Variants in GPAT3 observed in about 807,000 individuals in gnomAD.
The protein encoded by GPAT3 is 1-AGP acyltransferase 9.
A neutral mutation model predicts 58.8 loss-of-function variants in GPAT3; 53 were observed. The observed-to-expected ratio is 0.90, with a 90% confidence interval of 0.72 to 1.13. The LOEUF is 1.13. GPAT3 is among the 50% of genes most tolerant of loss of function. The pLI is 0.00. For missense variants in GPAT3, 511 were observed against 527.6 expected (o/e 0.97, Z 0.31); for synonymous variants, 197 against 187.4 (o/e 1.05, Z -0.42).
chr4:83,594,716 C>A, intron 6 of GPAT3, 129 bp from the exon 7 acceptor site: 1 of 723,800 alleles, frequency 1.4e-6, no homozygotes, highest in Non-Finnish European at 2.4e-6. Context: ...TTTGATCAGA[C>A]TAAGAACTTC....
intron 2 of GPAT3, 21 bp downstream of exon 2, chr4:83,544,623 T>C (rs765776391): frequency 9.9e-6 from 16 of 1,611,734 alleles, no homozygotes; most frequent in East Asian, 2.2e-5. Context: ...CTTTTCATTA[T>C]GATTGTTACC....
chr4:83,539,339 C>T (rs892404435), intron 1 of GPAT3, among the ~76,000 whole-genome samples: 1 of 152,096 alleles, frequency 6.6e-6, no homozygotes, highest in Non-Finnish European at 1.5e-5. Flanking sequence ...CATTTCATTC[C>T]CAAGAATATT....
rs534715947 is a variant in GPAT3 at position 83,570,052 on chromosome 4, GTGT to G, written c.209-11506_209-11504del. Among the ~76,000 whole-genome samples, 133 of 152,304 alleles carry G rather than the reference GTGT, an allele frequency of 8.7e-4. 1 individual carries two copies. The highest frequency in any genetic ancestry group is 5.9e-3 in the Admixed American group (91 of 15,302). On this transcript the variant is annotated intron_variant, in intron 2 of 11. Coordinates refer to ENST00000264409, the MANE Select transcript of GPAT3 (RefSeq NM_032717.5). ...GTTTAGCAAGGAAGAACTGGGGGTG[GTGT>G]TGTATTGACGAGAAATATCTTACAT...
intron 7 of GPAT3, among the ~76,000 whole-genome samples, chr4:83,595,569 T>C (rs1404405031): frequency 6.6e-6 from 1 of 151,880 alleles, no homozygotes; most frequent in Non-Finnish European, 1.5e-5. Context: ...AAAAAATAAA[T>C]AAAATTAGCC....
At chr4:83,572,071 C>T (rs771391488) in intron 2 of GPAT3, among the ~76,000 whole-genome samples, 1 of 152,152 alleles carries the variant, frequency 6.6e-6, no homozygotes, top group East Asian at 1.9e-4. Context: ...CTGCGCTTGG[C>T]TTCATATATA....
In GPAT3 at chr4:83,581,748, T is replaced by G; in HGVS notation, c.395T>G (p.Val132Gly). The G allele has an allele frequency of 6.2e-7, 1 of 1,614,208 alleles. No individual in the cohort carries two copies. The highest frequency in any genetic ancestry group is 1.1e-5 in the South Asian group (1 of 91,076). Residue 132 changes from valine to glycine, a missense_variant, in exon 3 of 12, where the codon GTA becomes GGA. Transcript: ENST00000264409. ...VSWNLLTRTN[V>G]NFQYISLRLT... ...TGGAATCTCCTCACAAGAACCAATG[T>G]AAATTTCCAGTACATCAGTCTGCGG...
rs1725170750 is a variant in GPAT3, at chr4:83,562,199, AATATATATATATT to A, written c.208+17610_208+17622del. 8.3e-5 allele frequency among the ~76,000 whole-genome samples: 3 copies of A among 36,046 alleles called. 1 individual carries two copies. In the South Asian group the frequency reaches 3.2e-3, roughly 38 times the overall value. 23.6% of individuals were successfully genotyped at this position (36,046 alleles called of 152,430 possible). The stretch of plus-strand genomic sequence containing the variant: ...ATATATTATATATATATATATATAT[AATATATATATATT>A]ATATATATATATAATATATATATAA... On this transcript the variant is annotated intron_variant, in intron 2 of 11. Coordinates refer to ENST00000264409, the MANE Select transcript of GPAT3 (RefSeq NM_032717.5).
At chr4:83,549,891 T>A (rs1349693087) in intron 2 of GPAT3, among the ~76,000 whole-genome samples, 2 of 151,762 alleles carry the variant, frequency 1.3e-5, no homozygotes, top group African/African-American at 4.8e-5. Flanking sequence ...CCTGGCTAAT[T>A]TTTGTATTTT....
At chr4:83,552,872 G>A (rs888949429) in intron 2 of GPAT3, among the ~76,000 whole-genome samples, 2 of 152,136 alleles carry the variant, frequency 1.3e-5, no homozygotes, top group African/African-American at 4.8e-5. Context: ...TAATGAGTGG[G>A]ATTAGTGCCC....
At chr4:83,603,390 T>C (rs1329739727) in intron 11 of GPAT3, among the ~76,000 whole-genome samples, 3 of 152,248 alleles carry the variant, frequency 2.0e-5, no homozygotes, top group South Asian at 2.1e-4. Context: ...GCTGCTTACA[T>C]AGGCACTTCT....
At chr4:83,585,372 T>C (rs754760731) in intron 3 of GPAT3, among the ~76,000 whole-genome samples, 104 of 150,188 alleles carry the variant, frequency 6.9e-4, no homozygotes, top group Non-Finnish European at 1.2e-3. Context: ...TATATATTAA[T>C]GTATTACTTT....
intron 2 of GPAT3, among the ~76,000 whole-genome samples, chr4:83,555,263 G>C (rs924127080): frequency 6.6e-6 from 1 of 152,174 alleles, no homozygotes. Flanking sequence ...ATGACTGGTG[G>C]CTGGGAGCTC....
At chr4:83,539,674 C>T (rs1488001301) in intron 1 of GPAT3, among the ~76,000 whole-genome samples, 3 of 152,154 alleles carry the variant, frequency 2.0e-5, no homozygotes, top group Non-Finnish European at 2.9e-5. Flanking sequence ...TGCTGGGTAT[C>T]TCTAGATGTA....
chr4:83,578,873 C>CTTCA (rs1383689939), intron 2 of GPAT3, among the ~76,000 whole-genome samples: 1 of 151,284 alleles, frequency 6.6e-6, no homozygotes, highest in Admixed American at 6.6e-5. Context: ...TCCTTCCTTC[C>CTTCA]TTCCCTCCCT....
chr4:83,539,151 C>T (rs571183551), intron 1 of GPAT3, among the ~76,000 whole-genome samples: 30 of 152,218 alleles, frequency 2.0e-4, no homozygotes, highest in African/African-American at 6.3e-4. Flanking sequence ...GGGGTTAATA[C>T]GGTGGATTGC....
chr4:83,568,288 C>T (rs1490107799), intron 2 of GPAT3, among the ~76,000 whole-genome samples: 1 of 152,010 alleles, frequency 6.6e-6, no homozygotes, highest in Non-Finnish European at 1.5e-5. Context: ...ATTGAGTCAT[C>T]ATGATTGAGT....
At chr4:83,576,517 C>T (rs1343863532) in intron 2 of GPAT3, among the ~76,000 whole-genome samples, 1 of 151,854 alleles carries the variant, frequency 6.6e-6, no homozygotes, top group Non-Finnish European at 1.5e-5. Flanking sequence ...GATCTTGGCT[C>T]ATTGTAACCT....
At chr4:83,554,701 A>G (rs1399014181) in intron 2 of GPAT3, among the ~76,000 whole-genome samples, 1 of 151,372 alleles carries the variant, frequency 6.6e-6, no homozygotes, top group Non-Finnish European at 1.5e-5. Context: ...CTGTCTTACT[A>G]TGCCTTCCTT....
intron 3 of GPAT3, among the ~76,000 whole-genome samples, chr4:83,585,833 C>T (rs181278758): frequency 1.5e-3 from 223 of 152,298 alleles, no homozygotes; most frequent in Middle Eastern, 3.4e-3. Flanking sequence ...GTGATCCACT[C>T]GCCTGGGCCT....
Sources: gnomAD v4.1 joint callset for allele counts (sites outside exome capture counted in the v4.1 genomes callset) on GRCh38, gnomAD v4.1.1 for gene constraint, MANE v1.5 for transcripts, NCBI Gene and HGNC (gene_info 2026-07-23, HGNC 2026-07-21) for gene names.